Variants in CFAP299 observed in about 807,000 individuals in gnomAD.
CFAP299 encodes cilia and flagella associated protein 299.
A neutral mutation model predicts 27.0 loss-of-function variants in CFAP299; 21 were observed. The observed-to-expected ratio is 0.78, with a 90% CI of 0.55 to 1.12. The LOEUF (loss-of-function observed/expected upper bound fraction) is 1.12, where lower values mean the gene tolerates loss of function less well. CFAP299 is among the 50% of genes most tolerant of loss of function. CFAP299 has a pLI of 0.00. For synonymous variants in CFAP299, 104 were observed against 98.1 expected (o/e 1.06, Z -0.36); for missense variants, 310 against 276.6 (o/e 1.12, Z -0.86).
chr4:80,759,698 A>G (rs1262247544), intron 3 of CFAP299, among the ~76,000 whole-genome samples: 2 of 152,212 alleles, frequency 1.3e-5, no homozygotes, highest in African/African-American at 4.8e-5. Context: ...CAGGCTTTCT[A>G]GTAAACATAG....
chr4:80,556,163 T>C (rs1474324066), intron 2 of CFAP299, among the ~76,000 whole-genome samples: 1 of 152,072 alleles, frequency 6.6e-6, no homozygotes, highest in Non-Finnish European at 1.5e-5. Context: ...AGCCTTTAAA[T>C]TGGAGCCCTG....
chr4:80,754,373 C>T (rs774960534), intron 3 of CFAP299, among the ~76,000 whole-genome samples: 2 of 152,080 alleles, frequency 1.3e-5, no homozygotes, highest in Non-Finnish European at 2.9e-5. Flanking sequence ...GACCACTGTT[C>T]CTTAATGCTT....
chr4:80,856,813 A>C (rs1446945224), intron 3 of CFAP299, among the ~76,000 whole-genome samples: 1 of 151,974 alleles, frequency 6.6e-6, no homozygotes, highest in African/African-American at 2.4e-5. Flanking sequence ...GTAGCCTTGT[A>C]GTATAGTTTG....
At chr4:80,503,793 G>A (rs558226628) in intron 2 of CFAP299, among the ~76,000 whole-genome samples, 1 of 152,250 alleles carries the variant, frequency 6.6e-6, no homozygotes, top group South Asian at 2.1e-4. Flanking sequence ...CCAAGTAAAT[G>A]AAATAATTTA....
At chr4:80,327,289 G>A in the CFAP299 span, among the ~76,000 whole-genome samples, 1 of 152,138 alleles carries the variant, frequency 6.6e-6, no homozygotes, top group African/African-American at 2.4e-5. Context: ...AAGCATAATA[G>A]ATTCTGGGAA....
At chr4:80,934,461 T>C (rs560412745) in intron 4 of CFAP299, among the ~76,000 whole-genome samples, 12 of 152,122 alleles carry the variant, frequency 7.9e-5, no homozygotes, top group African/African-American at 2.9e-4. Flanking sequence ...ATTCAATCTT[T>C]TCAGAGTTTA....
intron 1 of CFAP299, among the ~76,000 whole-genome samples, chr4:80,362,153 G>A (rs987660444): frequency 4.0e-5 from 6 of 150,376 alleles, no homozygotes; most frequent in Non-Finnish European, 8.9e-5. Context: ...TTTTTGTGGT[G>A]ATCTGGGTTT....
chr4:80,674,037 GT>G (rs1719221018), intron 3 of CFAP299, among the ~76,000 whole-genome samples: 1 of 152,076 alleles, frequency 6.6e-6, no homozygotes, highest in South Asian at 2.1e-4. Context: ...GGTTAATATT[GT>G]TATGTGTGAA....
chr4:80,576,193 A>ATAT (rs1264207681), intron 2 of CFAP299, among the ~76,000 whole-genome samples: 10 of 33,300 alleles, frequency 3.0e-4, no homozygotes, highest in African/African-American at 7.8e-4. Context: ...ATAATAAAAA[A>ATAT]AAAAATATAT....
At chr4:80,702,520 A>G (rs1428568765) in intron 3 of CFAP299, among the ~76,000 whole-genome samples, 1 of 151,882 alleles carries the variant, frequency 6.6e-6, no homozygotes, top group African/African-American at 2.4e-5. Flanking sequence ...TGAATATTAG[A>G]TCATTCTAGA....
At position 80,716,677 on chromosome 4, in the gene CFAP299, A is replaced by G. The variant is rs541057484; in HGVS notation, c.333+133494A>G. Among the ~76,000 whole-genome samples, 31 of 152,262 alleles carry G rather than the reference A, an allele frequency of 2.0e-4. No homozygotes were observed. The South Asian group carries it at 6.2e-3, about 31-fold the overall frequency. ...AGCATCCTGCCCCATTAAAGTTTGT[A>G]CCACTGAGTGAAATTACATGATAAA... On this transcript the variant is annotated intron_variant, in intron 3 of 5. Coordinates refer to ENST00000358105, the MANE Select transcript of CFAP299 (RefSeq NM_152770.3).
chr4:80,570,304 T>C (rs1365731089), intron 2 of CFAP299, among the ~76,000 whole-genome samples: 1 of 151,982 alleles, frequency 6.6e-6, no homozygotes, highest in Non-Finnish European at 1.5e-5. Flanking sequence ...TCAAATTAGA[T>C]TTAATTATAG....
At chr4:80,702,605 C>T (rs1239533407) in intron 3 of CFAP299, among the ~76,000 whole-genome samples, 7 of 151,684 alleles carry the variant, frequency 4.6e-5, no homozygotes, top group Admixed American at 1.3e-4. Context: ...GGGTAAATTC[C>T]GAAATTTTAT....
intron 3 of CFAP299, among the ~76,000 whole-genome samples, chr4:80,850,144 G>T (rs189066370): frequency 4.6e-5 from 7 of 152,190 alleles, no homozygotes; most frequent in African/African-American, 1.7e-4. Flanking sequence ...CTATAGCTCA[G>T]CTGTGGCTAA....
chr4:80,697,189 G>GA (rs536028952), intron 3 of CFAP299, among the ~76,000 whole-genome samples: 23 of 147,714 alleles, frequency 1.6e-4, no homozygotes, highest in Non-Finnish European at 2.3e-4. Context: ...ACAAAAATTT[G>GA]AAAAAAAAAA....
chr4:80,694,239 C>T (rs1012454787), intron 3 of CFAP299, among the ~76,000 whole-genome samples: 1 of 152,138 alleles, frequency 6.6e-6, no homozygotes, highest in African/African-American at 2.4e-5. Flanking sequence ...GCATTTCACC[C>T]TTTGAGGTCA....
intron 3 of CFAP299, among the ~76,000 whole-genome samples, chr4:80,633,388 G>A (rs756103094): frequency 2.6e-5 from 4 of 152,056 alleles, no homozygotes; most frequent in East Asian, 1.9e-4. Context: ...GGAGTGAGCC[G>A]AGTGTCACGA....
intron 2 of CFAP299, among the ~76,000 whole-genome samples, chr4:80,417,233 G>A (rs959042510): frequency 6.6e-5 from 10 of 152,346 alleles, no homozygotes; most frequent in Middle Eastern, 6.8e-3. Flanking sequence ...GTAATGAGCA[G>A]TGAGGACAAC....
intron 2 of CFAP299, among the ~76,000 whole-genome samples, chr4:80,543,881 A>G (rs929469495): frequency 1.3e-5 from 2 of 152,132 alleles, no homozygotes; most frequent in Non-Finnish European, 2.9e-5. Flanking sequence ...TCCCCAAGAC[A>G]CACAGTCATC....
Sources: gnomAD v4.1 joint callset for allele counts (sites outside exome capture counted in the v4.1 genomes callset) on GRCh38, gnomAD v4.1.1 for gene constraint, MANE v1.5 for transcripts, NCBI Gene and HGNC (gene_info 2026-07-23, HGNC 2026-07-21) for gene names.